DDX46: variants seen among roughly 807,000 people sequenced by gnomAD.
DDX46 encodes probable ATP-dependent RNA helicase DDX46.
In DDX46, 30 loss-of-function variants were observed where a neutral mutation model predicts 134.9. The ratio of observed to expected loss-of-function variants is 0.22; its 90% CI spans 0.17 to 0.30. The LOEUF is 0.30. DDX46 is among the 10% of genes least tolerant of loss of function. DDX46 has a pLI of 1.00. For missense variants in DDX46, 622 were observed against 1,248.7 expected, an observed-to-expected ratio of 0.50 and a Z score of 7.56; for synonymous variants, 415 against 404.1, an observed-to-expected ratio of 1.03 and a Z score of -0.32.
At chr5:134,803,918 C>CTTTTTT (rs201944776) in intron 15 of DDX46, among the ~76,000 whole-genome samples, 2 of 94,896 alleles carry the variant, frequency 2.1e-5, no homozygotes, top group Non-Finnish European at 4.3e-5. Context: ...GATGATTCTT[C>CTTTTTT]TTTTTTTTTT....
At chr5:134,802,610 G>A (rs1208688872) in intron 15 of DDX46, among the ~76,000 whole-genome samples, 3 of 150,454 alleles carry the variant, frequency 2.0e-5, no homozygotes, top group Non-Finnish European at 3.0e-5. Context: ...TTCTCTTTTA[G>A]ATTTTCTTGT....
In DDX46 at chr5:134,803,918, CTTTTTTT is replaced by C. The variant is rs201944776; in HGVS notation, c.1955-3812_1955-3806del. On this transcript the variant is annotated intron_variant, in intron 15 of 22. Transcript: ENST00000452510. Reference sequence around the variant, plus strand: ...AGAATGACAAGTGATGATGATTCTTCTTTTTTTTTTTTTTTTTTTTTTTTGAGACAAT... The same window carrying C: ...AGAATGACAAGTGATGATGATTCTTCTTTTTTTTTTTTTTTTTGAGACAAT... Among the ~76,000 whole-genome samples the C allele has an allele frequency of 1.2e-3, 117 of 94,904 alleles. 1 individual carries two copies. The highest frequency in any genetic ancestry group is 3.8e-3 in the African/African-American group (99 of 26,184). 62.3% of individuals were successfully genotyped at this position (94,904 alleles called of 152,430 possible).
intron 9 of DDX46, among the ~76,000 whole-genome samples, 176 bp downstream of exon 9, chr5:134,783,241 T>TTTTTG (rs899581663): frequency 1.1e-4 from 16 of 151,910 alleles, no homozygotes; most frequent in Admixed American, 8.5e-4. Context: ...AACTGGTTTT[T>TTTTTG]TTTTGTTTTG....
In DDX46 at chr5:134,781,177, CA is replaced by C; in HGVS notation, c.816del (p.Ala273GlnfsTer12). The C allele has an allele frequency of 2.5e-6, 4 of 1,601,732 alleles. No homozygotes were observed. Among genetic ancestry groups the C allele is most frequent in the Admixed American group, 3.6e-5 (2 of 55,740 alleles). The part of the protein sequence containing the change: ...VTKVVTVVTT[K>X]KAVVDSDKKK... ...CAAAAGTTGTCACTGTTGTGACAAC[CA>C]AAAAAGCAGTTGTGGATTCTGATAA... On this transcript the variant is annotated frameshift_variant, in exon 7 of 23. Coordinates refer to ENST00000452510, the MANE Select transcript of DDX46 (RefSeq NM_001300860.2). LOFTEE classifies it high-confidence loss of function.
chr5:134,793,436 G>A (rs1754564778), intron 13 of DDX46, among the ~76,000 whole-genome samples: 1 of 152,040 alleles, frequency 6.6e-6, no homozygotes, highest in Non-Finnish European at 1.5e-5. Flanking sequence ...TTTATTTTGA[G>A]ACAGAGTTTC....
intron 13 of DDX46, among the ~76,000 whole-genome samples, chr5:134,791,682 A>G (rs528187172): frequency 1.1e-3 from 169 of 152,368 alleles, no homozygotes; most frequent in Non-Finnish European, 1.8e-3. Context: ...GGAAATGTGC[A>G]TGGAAAAGGG....
intron 21 of DDX46, among the ~76,000 whole-genome samples, chr5:134,821,561 T>G (rs773642937): frequency 1.4e-5 from 2 of 141,520 alleles, no homozygotes; most frequent in African/African-American, 2.7e-5. Flanking sequence ...TGAGAGGGAG[T>G]CTAGCTCTGT....
intron 6 of DDX46, chr5:134,780,651 G>T (rs1328262793): frequency 6.6e-6 from 1 of 150,608 alleles, no homozygotes; most frequent in African/African-American, 2.4e-5. Context: ...ATTATGAATG[G>T]ATGTATTATA....
intron 18 of DDX46, 83 bp downstream of exon 18, chr5:134,811,928 T>C: frequency 6.7e-7 from 1 of 1,494,724 alleles, no homozygotes; most frequent in Non-Finnish European, 8.9e-7. Context: ...GTTATCAAGA[T>C]AGACAATCAC....
At chr5:134,783,844 C>T (rs1388018624) in intron 9 of DDX46, among the ~76,000 whole-genome samples, 4 of 148,920 alleles carry the variant, frequency 2.7e-5, no homozygotes, top group African/African-American at 5.0e-5. Context: ...CCACCAAGGC[C>T]GGCCTTTTTT....
At chr5:134,772,556 G>GC (rs1475908142) in intron 4 of DDX46, among the ~76,000 whole-genome samples, 2 of 152,148 alleles carry the variant, frequency 1.3e-5, no homozygotes, top group African/African-American at 4.8e-5. Context: ...TAGACATGAG[G>GC]CCAGGTGCTG....
intron 21 of DDX46, chr5:134,825,690 T>A (rs1755571735): frequency 6.6e-6 from 1 of 152,220 alleles, no homozygotes; most frequent in South Asian, 2.1e-4. Flanking sequence ...ATGGTGTCTA[T>A]CTGTACTTAC....
At chr5:134,806,974 A>G (rs575511666) in intron 15 of DDX46, among the ~76,000 whole-genome samples, 1 of 152,004 alleles carries the variant, frequency 6.6e-6, no homozygotes, top group African/African-American at 2.4e-5. Context: ...TTTAATTTGC[A>G]TATGATAATC....
At chr5:134,779,347 C>A (rs940919113) in intron 6 of DDX46, among the ~76,000 whole-genome samples, 1 of 152,018 alleles carries the variant, frequency 6.6e-6, no homozygotes, top group African/African-American at 2.4e-5. Flanking sequence ...GCGCCCACCA[C>A]CATGCCTGGC....
At chr5:134,817,756 A>G (rs749858935) in intron 20 of DDX46, 42 bp downstream of exon 20, 65 of 1,539,288 alleles carry the variant, frequency 4.2e-5, no homozygotes, top group Non-Finnish European at 5.7e-5. Flanking sequence ...TGAAGTAGCA[A>G]CTCTTCTTTG....
rs1753330965 is a variant in DDX46, at chr5:134,760,084, C to T, written c.17+1129C>T. ...ATTGATTGTCTTCCTCTGTTGCTCT[C>T]CTAATTGTTAGATCCCTTACACTAC... On this transcript the variant is annotated intron_variant, in intron 1 of 22. Coordinates refer to ENST00000452510, the MANE Select transcript of DDX46 (RefSeq NM_001300860.2). Among the ~76,000 whole-genome samples, 3 of 152,286 alleles carry T rather than the reference C, an allele frequency of 2.0e-5. 1 individual carries two copies. The highest frequency in any genetic ancestry group is 4.1e-4 in the South Asian group (2 of 4,824).
intron 4 of DDX46, 151 bp from the exon 5 acceptor site, chr5:134,773,545 C>T (rs538930886): frequency 4.4e-6 from 3 of 685,756 alleles, no homozygotes; most frequent in African/African-American, 3.6e-5. Flanking sequence ...GGTATGTGAT[C>T]TAAGTCTACC....
At position 134,830,709 on chromosome 5, in the gene DDX46, A is replaced by C. The variant is rs943161087; in HGVS notation, c.*2003A>C. The C allele has an allele frequency of 4.6e-5, 7 of 152,684 alleles. No individual in the cohort carries two copies. Among genetic ancestry groups the C allele is most frequent in the Non-Finnish European group, 1.0e-4 (7 of 68,040 alleles). 9.5% of individuals were successfully genotyped at this position (152,684 alleles called of 1,614,324 possible). ...TGAAGGAAGAAAACAGACAAAAGAC[A>C]TGTAACAACAGAAACAAATAAACCA... On this transcript the variant is annotated 3_prime_UTR_variant, in exon 23 of 23. Transcript: ENST00000452510.
intron 21 of DDX46, among the ~76,000 whole-genome samples, chr5:134,825,020 CT>C (rs1243729631): frequency 2.6e-5 from 4 of 152,158 alleles, no homozygotes; most frequent in Non-Finnish European, 5.9e-5. Context: ...AGGAAATGCC[CT>C]TTTTTTCATA....
Sources: gnomAD v4.1 joint callset for allele counts (sites outside exome capture counted in the v4.1 genomes callset) on GRCh38, gnomAD v4.1.1 for gene constraint, MANE v1.5 for transcripts, NCBI Gene and HGNC (gene_info 2026-07-23, HGNC 2026-07-21) for gene names.